Variants in PATJ observed in about 807,000 individuals in gnomAD.
PATJ encodes the protein PATJ crumbs cell polarity complex component, also known as inaD-like protein.
PATJ carries 190 observed loss-of-function variants against 224.9 expected under a neutral mutation model. The observed-to-expected ratio is 0.84, with a 90% confidence interval of 0.75 to 0.95. PATJ has a LOEUF of 0.95. Among genes scored for constraint, PATJ ranks in the 40% least tolerant of loss-of-function variants. PATJ has a pLI of 0.00. For synonymous variants in PATJ, 769 were observed against 820.3 expected (o/e 0.94, Z 1.07); for missense variants, 2,121 against 2,270.3 (o/e 0.93, Z 1.34).
At chr1:62,012,337 A>C (rs1036660949) in intron 28 of PATJ, among the ~76,000 whole-genome samples, 13 of 152,342 alleles carry the variant, frequency 8.5e-5, no homozygotes, top group East Asian at 7.7e-4. Context: ...AGTGAAAGTA[A>C]ATCATACCCC....
intron 6 of PATJ, among the ~76,000 whole-genome samples, chr1:61,773,585 G>A (rs186778654): frequency 0.016 from 2,361 of 150,760 alleles, 70 homozygotes; most frequent in African/African-American, 0.055. Context: ...TCAGGAGTTC[G>A]AGACCAGCCT....
chr1:62,079,676 A>T, intron 32 of PATJ, 109 bp downstream of exon 32: 1 of 724,154 alleles, frequency 1.4e-6, no homozygotes, highest in Non-Finnish European at 2.4e-6. Flanking sequence ...CTGACTCTGG[A>T]TACTTCCTCC....
chr1:61,935,009 C>A (rs1676633103), intron 27 of PATJ, among the ~76,000 whole-genome samples: 1 of 152,186 alleles, frequency 6.6e-6, no homozygotes, highest in Admixed American at 6.5e-5. Flanking sequence ...GCGTCTATCC[C>A]CAGAAATCCC....
chr1:62,132,611 T>G (rs1666377106), intron 41 of PATJ, among the ~76,000 whole-genome samples: 1 of 152,018 alleles, frequency 6.6e-6, no homozygotes, highest in Non-Finnish European at 1.5e-5. Context: ...CTTTTTAAAT[T>G]ATATAAATGG....
rs1378658224 is a variant in PATJ at position 61,822,857 on chromosome 1, T to G, written c.1684-88T>G. ...TGGTGATCTAATTCAAGAGGTGGGG[T>G]TTTTCACTTCAAAATAGCACTGGAT... is the stretch of plus-strand genomic sequence containing the variant. On this transcript the variant is annotated intron_variant, in intron 14 of 43. Transcript: ENST00000642238. 5 of 1,469,878 alleles carry G rather than the reference T, an allele frequency of 3.4e-6. No homozygotes were observed. The Admixed American group carries it at 6.1e-5, about 18-fold the overall frequency. 91.1% of individuals were successfully genotyped at this position (1,469,878 alleles called of 1,614,324 possible).
intron 29 of PATJ, 61 bp from the exon 30 acceptor site, chr1:62,037,916 A>G: frequency 1.0e-6 from 1 of 994,230 alleles, no homozygotes; most frequent in South Asian, 2.0e-5. Flanking sequence ...AGTATTTATA[A>G]TTTGAGCCAG....
At chr1:62,145,190 A>G (rs1411230720) in intron 41 of PATJ, among the ~76,000 whole-genome samples, 1 of 152,202 alleles carries the variant, frequency 6.6e-6, no homozygotes, top group African/African-American at 2.4e-5. Context: ...CCATTCTTTC[A>G]TTCACCAGTT....
intron 29 of PATJ, among the ~76,000 whole-genome samples, chr1:62,029,393 A>G (rs956412070): frequency 7.9e-5 from 12 of 152,096 alleles, no homozygotes; most frequent in African/African-American, 2.9e-4. Flanking sequence ...TGTTCTCCTC[A>G]TGACCACTAA....
rs547454145 is a variant in PATJ at position 62,158,272 on chromosome 1, A to G, written c.5503-2636A>G. Among the ~76,000 whole-genome samples the G allele has an allele frequency of 1.8e-4, 27 of 149,610 alleles. 2 individuals carry two copies. The highest frequency in any genetic ancestry group is 3.3e-4 in the Non-Finnish European group (22 of 67,206). Reference sequence around the variant, plus strand: ...CGGCATTGGTAAAGTAGGAGAGTAGATACATATCAGTAAGTGCTCATCAAC... The same window carrying G: ...CGGCATTGGTAAAGTAGGAGAGTAGGTACATATCAGTAAGTGCTCATCAAC... On this transcript the variant is annotated intron_variant, in intron 43 of 43. Transcript: ENST00000642238.
At chr1:61,940,721 C>CAA (rs547927537) in intron 27 of PATJ, among the ~76,000 whole-genome samples, 5,931 of 98,896 alleles carry the variant, frequency 0.06, 470 homozygotes, top group African/African-American at 0.17. Context: ...TCTCAAAAAA[C>CAA]AAAAAAAAAA....
chr1:62,125,603 A>T (rs752237704), intron 39 of PATJ, among the ~76,000 whole-genome samples: 11 of 152,208 alleles, frequency 7.2e-5, no homozygotes, highest in Non-Finnish European at 1.5e-4. Context: ...ATCATGATGG[A>T]TTTAAACAAA....
At chr1:61,765,390 G>GTT (rs879453782) in intron 3 of PATJ, among the ~76,000 whole-genome samples, 2 of 143,204 alleles carry the variant, frequency 1.4e-5, no homozygotes. Flanking sequence ...CATTTATTCT[G>GTT]TTTTTTTTTT....
At chr1:62,088,331 C>T (rs1660292921) in intron 33 of PATJ, among the ~76,000 whole-genome samples, 1 of 152,138 alleles carries the variant, frequency 6.6e-6, no homozygotes, top group South Asian at 2.1e-4. Flanking sequence ...ACCATCGTTC[C>T]CCAAACCTAC....
chr1:61,822,425 G>A (rs1257477700), intron 14 of PATJ, among the ~76,000 whole-genome samples: 2 of 82,120 alleles, frequency 2.4e-5, no homozygotes, highest in Non-Finnish European at 5.2e-5. Flanking sequence ...GCGAGACTGT[G>A]TCAGAAAAAA....
At chr1:62,032,221 G>A (rs1454566010) in intron 29 of PATJ, among the ~76,000 whole-genome samples, 1 of 152,084 alleles carries the variant, frequency 6.6e-6, no homozygotes, top group Non-Finnish European at 1.5e-5. Flanking sequence ...CTCAGGTGGG[G>A]GCTGCTCTCA....
At position 62,114,232 on chromosome 1, in the gene PATJ, C is replaced by T. The variant is rs772636947; in HGVS notation, c.4641C>T (p.Ser1547=). Residue 1547 remains serine (S), a synonymous_variant, in exon 35 of 44, where the codon AGC becomes AGT. Coordinates refer to ENST00000642238, the MANE Select transcript of PATJ (RefSeq NM_001350145.3). ...QKKAGRGLGL[S]IVGKRNGSGV... ...AAGCTGGCCGGGGCCTGGGCCTGAG[C>T]ATCGTTGGGAAACGGTAAAGACGTG... 6.2e-7 allele frequency: 1 copy of T among 1,613,984 alleles called. No individual in the cohort carries two copies. Among genetic ancestry groups the T allele is most frequent in the Admixed American group, 1.7e-5 (1 of 59,984 alleles).
intron 27 of PATJ, among the ~76,000 whole-genome samples, chr1:61,934,694 A>G (rs1279829746): frequency 6.6e-6 from 1 of 152,142 alleles, no homozygotes. Flanking sequence ...TTACTAGATT[A>G]ATATCTGTCT....
intron 28 of PATJ, chr1:61,991,486 T>A: frequency 1.0e-6 from 1 of 985,332 alleles, no homozygotes; most frequent in Non-Finnish European, 1.2e-6. Context: ...CCTCAGACTC[T>A]GACTCAGAAT....
chr1:62,109,225 A>G (rs1004215565), intron 34 of PATJ, among the ~76,000 whole-genome samples: 7 of 148,938 alleles, frequency 4.7e-5, no homozygotes, highest in Non-Finnish European at 8.9e-5. Context: ...TTTTTTTTTC[A>G]TTGAATGAAC....
Sources: allele counts gnomAD v4.1 joint callset (sites outside exome capture counted in the v4.1 genomes callset), GRCh38; gene constraint gnomAD v4.1.1; transcripts MANE v1.5; gene names NCBI Gene and HGNC (gene_info 2026-07-23, HGNC 2026-07-21).